PRKCSH: variants seen among roughly 807,000 people sequenced by gnomAD.
PRKCSH encodes the protein PRKCSH beta subunit of glucosidase II, also known as glucosidase 2 subunit beta.
PRKCSH carries 42 observed loss-of-function variants against 79.7 expected under a neutral mutation model. That is an observed-to-expected ratio of 0.53 (90% CI 0.41 to 0.68). The LOEUF is 0.68. PRKCSH is among the 30% of genes least tolerant of loss of function. The pLI is 0.00. For missense variants in PRKCSH, 686 were observed against 709.0 expected (o/e 0.97, Z 0.37); for synonymous variants, 325 against 288.2 (o/e 1.13, Z -1.29).
At chr19:11,446,748 C>T (rs1315984434) in intron 9 of PRKCSH, among the ~76,000 whole-genome samples, 1 of 152,122 alleles carries the variant, frequency 6.6e-6, no homozygotes, top group Non-Finnish European at 1.5e-5. Context: ...CCATCTGCAG[C>T]CTGGGCCTTG....
chr19:11,445,453 G>A lies in PRKCSH; in HGVS notation c.663G>A (p.Leu221=). The change falls in exon 8 of 18, where the codon CTG becomes CTA. Residue 221 remains leucine (L), a synonymous_variant. Transcript: ENST00000677123. ...TGGCGGCTGATGCCTTCAAGGAGCT[G>A]GATGATGACATGGACGGGACGTGAG... ...QELAADAFKE[L]DDDMDGTVSV... is the part of the protein sequence containing the mutation. The A allele has an allele frequency of 6.2e-7, 1 of 1,614,058 alleles. No homozygotes were observed. The highest frequency in any genetic ancestry group is 1.3e-5 in the African/African-American group (1 of 75,028).
intron 7 of PRKCSH, among the ~76,000 whole-genome samples, chr19:11,443,437 C>T (rs553147711): frequency 2.4e-4 from 37 of 151,832 alleles, no homozygotes; most frequent in African/African-American, 7.2e-4. Context: ...CCCAGCTACT[C>T]GGGAGGCTAA....
intron 2 of PRKCSH, 77 bp from the exon 3 acceptor site, chr19:11,436,312 G>A (rs755480299): frequency 6.4e-7 from 1 of 1,572,376 alleles, no homozygotes; most frequent in Non-Finnish European, 8.8e-7. Flanking sequence ...CTCCGCTGGT[G>A]GGGATGGGAG....
At position 11,448,926 on chromosome 19, in the gene PRKCSH, C is replaced by T; in HGVS notation, c.1299C>T (p.Arg433=). ...YELTTNEYVY[R]LCPFKLVSQK... Reference sequence around the variant, plus strand: ...CGGTCCTCCACAGATACGTCTACCGCCTCTGCCCCTTCAAGCTTGTCTCGC... The same window carrying T: ...CGGTCCTCCACAGATACGTCTACCGTCTCTGCCCCTTCAAGCTTGTCTCGC... The change falls in exon 15 of 18, where the codon CGC becomes CGT. Residue 433 remains arginine (R), a synonymous_variant. Coordinates refer to ENST00000677123, the MANE Select transcript of PRKCSH (RefSeq NM_001289104.2). The surrounding 1 kb of genome is among the most constrained non-coding windows in gnomAD (Gnocchi z 4.4). 1 of 1,614,154 alleles carries T rather than the reference C, an allele frequency of 6.2e-7. No individual in the cohort carries two copies. The highest frequency in any genetic ancestry group is 8.5e-7 in the Non-Finnish European group (1 of 1,180,028).
In PRKCSH at chr19:11,436,420, C is replaced by G; in HGVS notation, c.111C>G (p.Phe37Leu). The G allele has an allele frequency of 1.2e-6, 2 of 1,614,224 alleles. No homozygotes were observed. Among genetic ancestry groups the G allele is most frequent in the Non-Finnish European group, 1.7e-6 (2 of 1,180,038 alleles). The change falls in exon 3 of 18, where the codon TTC becomes TTG. Residue 37 changes from phenylalanine to leucine, a missense_variant. By Grantham distance (22) the Phe-to-Leu change is conservative (BLOSUM62 0). Transcript: ENST00000677123. ...ACTTCTACGATGAGTCCAAGCCTTTCACCTGCCTGGACGGTTCGGCCACCA... is the reference window on the plus strand; with the variant it reads ...ACTTCTACGATGAGTCCAAGCCTTTGACCTGCCTGGACGGTTCGGCCACCA... ...NHHFYDESKPFTCLDGSATIP... is the reference protein window; with the variant it reads ...NHHFYDESKPLTCLDGSATIP...
chr19:11,438,795 G>T (rs1969907425), intron 5 of PRKCSH, among the ~76,000 whole-genome samples: 2 of 151,928 alleles, frequency 1.3e-5, no homozygotes, highest in Non-Finnish European at 2.9e-5. Context: ...AACAGAAGGA[G>T]GCCAAGTATG....
intron 8 of PRKCSH, chr19:11,445,767 G>T: frequency 2.0e-6 from 1 of 508,594 alleles, no homozygotes; most frequent in East Asian, 3.6e-5. Context: ...GCCCCACTAC[G>T]CTCTGGGGAA....
In PRKCSH at chr19:11,447,158, G is replaced by A. The variant is rs776575609; in HGVS notation, c.847G>A (p.Glu283Lys). The change falls in exon 10 of 18, where the codon GAG (glutamate) becomes AAG (lysine). Residue 283 changes from glutamate to lysine, a missense_variant and splice_region_variant. Physicochemically the swap from Glu to Lys is moderately conservative, Grantham distance 56 (BLOSUM62 1). This residue lies in a region of PRKCSH where 549 missense variants were observed against 520.2 expected (regional missense o/e 1.06). Coordinates refer to ENST00000677123, the MANE Select transcript of PRKCSH (RefSeq NM_001289104.2). This position sits in a 1 kb window ranked among gnomAD's most constrained non-coding sequence, Gnocchi z 5.6. ...CGCCATCAGGGACAAGTACCGGTCC[G>A]AGGTCAGTGGAGGAGAAGGGAGGGG... ...WAAIRDKYRS[E>K]ALPTDLPAPS... 5.9e-5 allele frequency: 96 copies of A among 1,613,698 alleles called. No individual in the cohort carries two copies. The East Asian group carries it at 1.2e-3, about 21-fold the overall frequency.
In PRKCSH at chr19:11,450,741, A is replaced by T. The variant is rs1174518010; in HGVS notation, c.*112A>T. 1 of 152,232 alleles carries T rather than the reference A, an allele frequency of 6.6e-6. No homozygotes were observed. Among genetic ancestry groups the T allele is most frequent in the Admixed American group, 6.5e-5 (1 of 15,284 alleles). The allele number at this position is 152,232 out of a possible 1,614,324, so 9.4% of individuals were successfully genotyped here. A position where few individuals can be genotyped will look rare whatever the true frequency, so the allele number is the denominator to read the frequency against. On this transcript the variant is annotated 3_prime_UTR_variant, in exon 18 of 18. Coordinates refer to ENST00000677123, the MANE Select transcript of PRKCSH (RefSeq NM_001289104.2). ...TGTTGCCCTCCTCTGTGGCGGCAGG[A>T]CCTTTGTGGGGCTTCGTGCCCTGCT...
Position 11,447,806 on chromosome 19 carries a change from G to A in PRKCSH, c.1126+17G>A, listed in dbSNP as rs1225031709. 3 of 1,549,950 alleles carry A rather than the reference G, an allele frequency of 1.9e-6. No homozygotes were observed. Among genetic ancestry groups the A allele is most frequent in the African/African-American group, 1.4e-5 (1 of 73,300 alleles). Reference sequence around the variant, plus strand: ...TCATCGATGGTGAGGGTGGGCGGGGGCCAGGCTCCTCGGGTGGGCCCAGCG... The same window carrying A: ...TCATCGATGGTGAGGGTGGGCGGGGACCAGGCTCCTCGGGTGGGCCCAGCG... On this transcript the variant is annotated intron_variant, in intron 12 of 17. Coordinates refer to ENST00000677123, the MANE Select transcript of PRKCSH (RefSeq NM_001289104.2). The surrounding 1 kb of genome is among the most constrained non-coding windows in gnomAD (Gnocchi z 5.6).
Position 11,448,480 on chromosome 19 carries a change from G to C in PRKCSH, c.1197-60G>C. The C allele has an allele frequency of 6.6e-7, 1 of 1,525,494 alleles. No individual in the cohort carries two copies. The allele number at this position is 1,525,494 out of a possible 1,614,324, so 94.5% of individuals were successfully genotyped here. On this transcript the variant is annotated intron_variant, in intron 13 of 17. Transcript: ENST00000677123. This position sits in a 1 kb window ranked among gnomAD's most constrained non-coding sequence, Gnocchi z 4.4. ...TCAGCCAGACCCTCCTGTGTCTGTC[G>C]TCCTGGGTCAGGCACTGGCGTCCCC...
Position 11,448,259 on chromosome 19 carries a change from G to A in PRKCSH, c.1164G>A (p.Glu388=). 6.4e-7 allele frequency: 1 copy of A among 1,570,182 alleles called. No homozygotes were observed. Among genetic ancestry groups the A allele is most frequent in the Non-Finnish European group, 8.6e-7 (1 of 1,157,194 alleles). ...CCCGCAACAAGTTCGAGGAGGCCGA[G>A]CGGTCGCTGAAGGACATGGAGGAGT... ...QEARNKFEEA[E]RSLKDMEESI... The change falls in exon 13 of 18, where the codon GAG becomes GAA. Residue 388 remains glutamate, a synonymous_variant. Transcript: ENST00000677123. This position sits in a 1 kb window ranked among gnomAD's most constrained non-coding sequence, Gnocchi z 4.4.
At chr19:11,441,536 T>C (rs1306546246) in intron 6 of PRKCSH, among the ~76,000 whole-genome samples, 179 bp downstream of exon 6, 1 of 152,140 alleles carries the variant, frequency 6.6e-6, no homozygotes, top group Admixed American at 6.5e-5. Flanking sequence ...AGTATAATAG[T>C]TCCCGAGGGG....
intron 6 of PRKCSH, among the ~76,000 whole-genome samples, chr19:11,441,689 G>A (rs1418480071): frequency 6.6e-6 from 1 of 152,140 alleles, no homozygotes; most frequent in Non-Finnish European, 1.5e-5. Context: ...ATGGGCTGAT[G>A]ACCAGATGAC....
intron 3 of PRKCSH, among the ~76,000 whole-genome samples, chr19:11,436,988 G>T (rs1269267348): frequency 6.6e-6 from 1 of 152,228 alleles, no homozygotes; most frequent in Non-Finnish European, 1.5e-5. Flanking sequence ...CTCCCAAAGT[G>T]CTGGGGTTAC....
At chr19:11,436,570 T>C (rs1969758258) in intron 3 of PRKCSH, 65 bp downstream of exon 3, 2 of 1,302,052 alleles carry the variant, frequency 1.5e-6, no homozygotes, top group Admixed American at 1.9e-5. Flanking sequence ...AGGCCCTGTC[T>C]GTGTGACCAA....
Position 11,436,521 on chromosome 19 carries a change from G to C in PRKCSH, c.196+16G>C. The stretch of plus-strand genomic sequence containing the variant: ...GACGAGCCAGGTGAGCCTTTTCTCT[G>C]TTCATCCATCAGATGTTTATTGAAC... On this transcript the variant is annotated intron_variant, in intron 3 of 17. Coordinates refer to ENST00000677123, the MANE Select transcript of PRKCSH (RefSeq NM_001289104.2). 1 of 1,582,760 alleles carries C rather than the reference G, an allele frequency of 6.3e-7. No individual in the cohort carries two copies. The highest frequency in any genetic ancestry group is 8.7e-7 in the Non-Finnish European group (1 of 1,153,890).
chr19:11,449,533 G>A lies in PRKCSH; in HGVS notation c.*16+105G>A. 6.8e-7 allele frequency: 1 copy of A among 1,471,258 alleles called. No individual in the cohort carries two copies. The allele number at this position is 1,471,258 out of a possible 1,614,324, so 91.1% of individuals were successfully genotyped here. ...CCACTCTATCAACCTGTGTCCCCAT[G>A]TTCCCTGCTTTTTTGTTTTGTTTTT... On this transcript the variant is annotated intron_variant, in intron 17 of 17. Transcript: ENST00000677123. The surrounding 1 kb of genome is among the most constrained non-coding windows in gnomAD (Gnocchi z 6.4).
Position 11,447,412 on chromosome 19 carries a change from A to T in PRKCSH, c.850-27A>T, listed in dbSNP as rs1300741025. The T allele has an allele frequency of 1.2e-6, 2 of 1,611,276 alleles. No individual in the cohort carries two copies. Among genetic ancestry groups the T allele is most frequent in the Admixed American group, 3.3e-5 (2 of 59,968 alleles). On this transcript the variant is annotated intron_variant, in intron 10 of 17. Coordinates refer to ENST00000677123, the MANE Select transcript of PRKCSH (RefSeq NM_001289104.2). This position sits in a 1 kb window ranked among gnomAD's most constrained non-coding sequence, Gnocchi z 5.6. ...GGTGTGGGTGGACCCTGAGTCCACA[A>T]CACCGACCGCACTGCTCACCCGCCA... is the stretch of plus-strand genomic sequence containing the variant.
Sources: allele counts gnomAD v4.1 joint callset (sites outside exome capture counted in the v4.1 genomes callset), GRCh38; gene constraint gnomAD v4.1.1; regional missense constraint gnomAD v4.1.1; non-coding constraint Gnocchi (gnomAD v3.1); transcripts MANE v1.5; gene names NCBI Gene and HGNC (gene_info 2026-07-23, HGNC 2026-07-21).